Variants in LMOD1 observed in about 807,000 individuals in gnomAD.
LMOD1 encodes leiomodin-1.
LMOD1 carries 8 observed loss-of-function variants against 36.5 expected under a neutral mutation model. That is an observed-to-expected ratio of 0.22 (90% CI 0.13 to 0.40). The LOEUF is 0.40. LMOD1 is among the 10% of genes least tolerant of loss of function. LMOD1 has a pLI of 1.00. For synonymous variants in LMOD1, 284 were observed against 288.7 expected (o/e 0.98, Z 0.17); for missense variants, 630 against 751.1 (o/e 0.84, Z 1.88).
At chr1:201,912,981 G>A (rs1418153536) in intron 1 of LMOD1, among the ~76,000 whole-genome samples, 2 of 152,214 alleles carry the variant, frequency 1.3e-5, no homozygotes, top group Non-Finnish European at 2.9e-5. Context: ...CCAGGGCTGT[G>A]AGGAAGGCGG....
intron 1 of LMOD1, among the ~76,000 whole-genome samples, chr1:201,927,029 C>G (rs1312835847): frequency 6.6e-6 from 1 of 152,132 alleles, no homozygotes; most frequent in Non-Finnish European, 1.5e-5. Flanking sequence ...GGCTATTTTC[C>G]TTTTTTTCCC....
At chr1:201,916,293 A>T (rs958646874) in intron 1 of LMOD1, among the ~76,000 whole-genome samples, 3 of 152,010 alleles carry the variant, frequency 2.0e-5, no homozygotes, top group East Asian at 1.9e-4. Context: ...GGTGAGGGGA[A>T]GCTGGAGCCC....
Position 201,897,451 on chromosome 1 carries a change from G to T in LMOD1, c.*921C>A, listed in dbSNP as rs938873718. ...CTGGCCTTCTAGACCTGGACAACCA[G>T]GTCAGTGGAGAGTCTTCTGCTTAGA... On this transcript the variant is annotated 3_prime_UTR_variant, in exon 3 of 3. Transcript: ENST00000367288. 1 of 153,136 alleles carries T rather than the reference G, an allele frequency of 6.5e-6. No homozygotes were observed. Among genetic ancestry groups the T allele is most frequent in the African/African-American group, 2.4e-5 (1 of 41,436 alleles). 9.5% of individuals were successfully genotyped at this position (153,136 alleles called of 1,614,324 possible).
rs768173934 is a variant in LMOD1, at chr1:201,900,531, C to T, written c.482G>A (p.Gly161Asp). 1 of 1,613,874 alleles carries T rather than the reference C, an allele frequency of 6.2e-7. No individual in the cohort carries two copies. Among genetic ancestry groups the T allele is most frequent in the Non-Finnish European group, 8.5e-7 (1 of 1,179,884 alleles). ...EEKIIRGIDKGRVRAAVDKKE... is the reference protein window; with the variant it reads ...EEKIIRGIDKDRVRAAVDKKE... ...CTTATCCACTGCAGCCCTGACCCGG[C>T]CCTTGTCAATGCCCCGGATGATCTT... The change falls in exon 2 of 3, where the codon GGC becomes GAC. Residue 161 changes from glycine (G) to aspartate (D), a missense_variant. By Grantham distance (94) the Gly-to-Asp change is moderately conservative (BLOSUM62 -1). This residue lies in a region of LMOD1 where 405 missense variants were observed against 400.6 expected (regional missense o/e 1.01). Transcript: ENST00000367288.
chr1:201,934,669 TTC>T (rs1347108037), intron 1 of LMOD1, among the ~76,000 whole-genome samples: 1 of 152,218 alleles, frequency 6.6e-6, no homozygotes, highest in Admixed American at 6.5e-5. Flanking sequence ...CTTATCCATA[TTC>T]TCTCTTTTGA....
intron 1 of LMOD1, among the ~76,000 whole-genome samples, chr1:201,924,583 A>AGGAG (rs1339862910): frequency 7.6e-6 from 1 of 131,060 alleles, no homozygotes; most frequent in Non-Finnish European, 1.6e-5. Context: ...GAAGGAAGGA[A>AGGAG]GGAGGGAGGG....
intron 1 of LMOD1, among the ~76,000 whole-genome samples, chr1:201,933,995 G>A (rs1460595767): frequency 2.0e-5 from 3 of 152,136 alleles, no homozygotes; most frequent in Non-Finnish European, 4.4e-5. Context: ...CACCACGCCA[G>A]CTGTCAGTCA....
intron 1 of LMOD1, among the ~76,000 whole-genome samples, chr1:201,930,304 T>G (rs1479963333): frequency 6.6e-6 from 1 of 151,988 alleles, no homozygotes; most frequent in African/African-American, 2.4e-5. Context: ...GGGAGATCAG[T>G]TAGGAGGCTG....
At position 201,940,403 on chromosome 1, in the gene LMOD1, T is replaced by C. The variant is rs146487833; in HGVS notation, c.261+5677A>G. Among the ~76,000 whole-genome samples the C allele has an allele frequency of 2.9e-4, 44 of 151,760 alleles. No individual in the cohort carries two copies. In the East Asian group the frequency reaches 8.6e-3, roughly 30 times the overall value. Reference sequence around the variant, plus strand: ...GGTTTTACCATGTTGGCCAGGCTGGTCTCGATCTCTTGATCTCGTGATCCA... The same window carrying C: ...GGTTTTACCATGTTGGCCAGGCTGGCCTCGATCTCTTGATCTCGTGATCCA... On this transcript the variant is annotated intron_variant, in intron 1 of 2. Coordinates refer to ENST00000367288, the MANE Select transcript of LMOD1 (RefSeq NM_012134.3).
At chr1:201,901,677 CATATATATATGTGTAT>C (rs1558234936) in intron 1 of LMOD1, among the ~76,000 whole-genome samples, 1 of 88,608 alleles carries the variant, frequency 1.1e-5, no homozygotes, top group Non-Finnish European at 2.3e-5. Flanking sequence ...TATATATACA[CATATATATATGTGTAT>C]ATATATATAT....
At chr1:201,920,534 A>G (rs759347080) in intron 1 of LMOD1, among the ~76,000 whole-genome samples, 3 of 152,196 alleles carry the variant, frequency 2.0e-5, no homozygotes, top group Non-Finnish European at 2.9e-5. Flanking sequence ...GAGGAAGTCA[A>G]TCATAGTTGA....
chr1:201,938,901 C>T (rs1027040577), intron 1 of LMOD1, among the ~76,000 whole-genome samples: 1 of 152,172 alleles, frequency 6.6e-6, no homozygotes, highest in Non-Finnish European at 1.5e-5. Context: ...GGGGTGGAAG[C>T]CTGCAGACAA....
chr1:201,909,903 A>G (rs1023447131), intron 1 of LMOD1, among the ~76,000 whole-genome samples: 5 of 152,184 alleles, frequency 3.3e-5, no homozygotes, highest in African/African-American at 4.8e-5. Context: ...TTTAACCTCT[A>G]TGTTATGCTC....
intron 1 of LMOD1, among the ~76,000 whole-genome samples, chr1:201,924,717 GAA>G (rs148564600): frequency 0.026 from 1,872 of 72,602 alleles, 40 homozygotes; most frequent in East Asian, 0.08. Context: ...AAGAAAGAAA[GAA>G]AGAAAGAAAG....
At chr1:201,902,667 G>A (rs1681350868) in intron 1 of LMOD1, among the ~76,000 whole-genome samples, 1 of 151,840 alleles carries the variant, frequency 6.6e-6, no homozygotes, top group South Asian at 2.1e-4. Context: ...GGCTGGTCTC[G>A]AACTCCTGAC....
At chr1:201,945,817 T>C (rs1183146895) in intron 1 of LMOD1, among the ~76,000 whole-genome samples, 1 of 152,192 alleles carries the variant, frequency 6.6e-6, no homozygotes, top group Non-Finnish European at 1.5e-5. Flanking sequence ...AAGGACACCT[T>C]CCAGCTCCCA....
At position 201,944,743 on chromosome 1, in the gene LMOD1, G is replaced by A. The variant is rs527609640; in HGVS notation, c.261+1337C>T. On this transcript the variant is annotated intron_variant, in intron 1 of 2. Transcript: ENST00000367288. ...CATAGGTGGTGGGGCGGGGGGGGGC[G>A]GTAGGGACAGAGACAGAGTTCCAGC... Among the ~76,000 whole-genome samples, 319 of 151,232 alleles carry A rather than the reference G, an allele frequency of 2.1e-3. 1 individual carries two copies. Among genetic ancestry groups the A allele is most frequent in the African/African-American group, 7.2e-3 (297 of 41,154 alleles).
intron 1 of LMOD1, among the ~76,000 whole-genome samples, chr1:201,909,439 C>T (rs1367548804): frequency 2.0e-5 from 3 of 152,062 alleles, no homozygotes; most frequent in Admixed American, 6.5e-5. Flanking sequence ...GAGGAAGAGA[C>T]GGAGTCTTAT....
chr1:201,937,349 A>T (rs1326191046), intron 1 of LMOD1, among the ~76,000 whole-genome samples: 2 of 152,140 alleles, frequency 1.3e-5, no homozygotes, highest in African/African-American at 4.8e-5. Context: ...TGGGAGGCTG[A>T]GGCAGGAGGA....
Sources: allele counts gnomAD v4.1 joint callset (sites outside exome capture counted in the v4.1 genomes callset), GRCh38; gene constraint gnomAD v4.1.1; regional missense constraint gnomAD v4.1.1; transcripts MANE v1.5; gene names NCBI Gene and HGNC (gene_info 2026-07-23, HGNC 2026-07-21).